Variants in ANO4 observed in about 807,000 individuals in gnomAD.
The protein encoded by ANO4 is anoctamin-4.
In ANO4, 69 loss-of-function variants were observed where a neutral mutation model predicts 141.9. The observed-to-expected ratio is 0.49, with a 90% CI of 0.40 to 0.59. ANO4 has a LOEUF of 0.59. Among genes scored for constraint, ANO4 ranks in the 20% least tolerant of loss-of-function variants. ANO4 has a pLI of 0.00. For missense variants in ANO4, 894 were observed against 1,162.2 expected (o/e 0.77, Z 3.36); for synonymous variants, 350 against 394.3 (o/e 0.89, Z 1.33).
intron 1 of ANO4, among the ~76,000 whole-genome samples, chr12:100,805,180 T>C (rs2034929374): frequency 6.6e-6 from 1 of 152,214 alleles, no homozygotes; most frequent in Non-Finnish European, 1.5e-5. Context: ...TAGCCAGTTC[T>C]CCCAGCACCA....
intron 6 of ANO4, among the ~76,000 whole-genome samples, chr12:100,973,577 T>A (rs1246930979): frequency 6.6e-6 from 1 of 152,180 alleles, no homozygotes; most frequent in Non-Finnish European, 1.5e-5. Flanking sequence ...AATTTTTAGG[T>A]TTATAGAAAA....
chr12:100,970,536 T>C (rs1320163362), intron 5 of ANO4, among the ~76,000 whole-genome samples: 2 of 152,174 alleles, frequency 1.3e-5, no homozygotes, highest in Non-Finnish European at 2.9e-5. Flanking sequence ...GAGGAGACTT[T>C]CCTTGACCCC....
At chr12:100,818,700 A>G (rs2035864916) in intron 1 of ANO4, among the ~76,000 whole-genome samples, 1 of 151,894 alleles carries the variant, frequency 6.6e-6, no homozygotes, top group East Asian at 1.9e-4. Flanking sequence ...ACCTTTCTGG[A>G]TTCAGCTTCC....
rs1227955058 is a variant in ANO4, at chr12:101,099,600, A to G, written c.2029A>G (p.Arg677Gly). Residue 677 changes from arginine (R) to glycine (G), a missense_variant, in exon 22 of 28, where the codon AGA (arginine) becomes GGA (glycine). Transcript: ENST00000392977. ...CAGGTTAATTCAGAATTGGTGGACT[A>G]GAAGAAAAGTACGACAAGAACATGG... ...GYPLIQNWWT[R>G]RKVRQEHGPE... 1.9e-6 allele frequency: 3 copies of G among 1,602,746 alleles called. No individual in the cohort carries two copies. The highest frequency in any genetic ancestry group is 2.5e-6 in the Non-Finnish European group (3 of 1,177,240).
At chr12:100,864,158 AATGTCGT>A (rs1408136071) in intron 1 of ANO4, among the ~76,000 whole-genome samples, 3 of 152,120 alleles carry the variant, frequency 2.0e-5, no homozygotes, top group Non-Finnish European at 2.9e-5. Flanking sequence ...TGACTCTAAC[AATGTCGT>A]ATGCCCGTAC....
chr12:100,857,954 A>G (rs1276845410), intron 1 of ANO4, among the ~76,000 whole-genome samples: 2 of 152,212 alleles, frequency 1.3e-5, no homozygotes, highest in African/African-American at 2.4e-5. Flanking sequence ...CAGAAAAGAA[A>G]ATGAAATGTG....
Position 100,806,523 on chromosome 12 carries a change from C to CTTTT in ANO4, c.-141+11496_-141+11497insTTTT, listed in dbSNP as rs1593379234. Among the ~76,000 whole-genome samples, 108 of 44,980 alleles carry CTTTT rather than the reference C, an allele frequency of 2.4e-3. 27 individuals are homozygous for CTTTT. Among genetic ancestry groups the CTTTT allele is most frequent in the East Asian group, 4.3e-3 (4 of 924 alleles). 29.5% of individuals were successfully genotyped at this position (44,980 alleles called of 152,430 possible). On this transcript the variant is annotated intron_variant, in intron 1 of 27. Transcript: ENST00000392977. Reference sequence around the variant, plus strand: ...TTTTTAGGAGGTTTTTTTTTTGTTTCGTTTTTTTTTTTTTTTTTTTTTTTT... The same window carrying CTTTT: ...TTTTTAGGAGGTTTTTTTTTTGTTTCTTTTGTTTTTTTTTTTTTTTTTTTTTTTT...
intron 1 of ANO4, among the ~76,000 whole-genome samples, chr12:100,896,706 G>T (rs2136010504): frequency 6.6e-6 from 1 of 152,310 alleles, no homozygotes; most frequent in East Asian, 1.9e-4. Context: ...AGGGGAGGTA[G>T]CAAGAAGCTT....
chr12:100,736,596 C>G (rs1466237868), intron 2 of ANO4, among the ~76,000 whole-genome samples: 3 of 152,112 alleles, frequency 2.0e-5, no homozygotes, highest in Non-Finnish European at 4.4e-5. Context: ...AATGTATCCC[C>G]CAAAAAGGTA....
At chr12:101,013,466 C>T (rs2046191223) in intron 8 of ANO4, among the ~76,000 whole-genome samples, 1 of 152,078 alleles carries the variant, frequency 6.6e-6, no homozygotes, top group African/African-American at 2.4e-5. Flanking sequence ...ACACATAGTC[C>T]TGTAGGGCAC....
chr12:100,969,240 A>G (rs1274020540), intron 5 of ANO4, among the ~76,000 whole-genome samples: 1 of 152,186 alleles, frequency 6.6e-6, no homozygotes, highest in African/African-American at 2.4e-5. Context: ...GCTAGGCCCA[A>G]AAGATCCAAC....
intron 3 of ANO4, among the ~76,000 whole-genome samples, chr12:100,749,478 C>A (rs1038272741): frequency 6.6e-6 from 1 of 152,170 alleles, no homozygotes; most frequent in African/African-American, 2.4e-5. Flanking sequence ...CTATATTGTT[C>A]TTTTCAGAAT....
Position 100,901,968 on chromosome 12 carries a change from A to G in ANO4, c.55+128A>G, listed in dbSNP as rs528901090. ...TTGCTTTTGTTAGGAGTCTTGTTCT[A>G]TTTCCCCTTCTGCTCACCTCAGTCA... On this transcript the variant is annotated intron_variant, in intron 2 of 27. Transcript: ENST00000392977. 172 of 890,172 alleles carry G rather than the reference A, an allele frequency of 1.9e-4. No homozygotes were observed. In the African/African-American group the frequency reaches 2.6e-3, roughly 14 times the overall value. The allele number at this position is 890,172 out of a possible 1,614,324, so 55.1% of individuals were successfully genotyped here.
chr12:101,031,358 A>G (rs2046966065), intron 9 of ANO4, among the ~76,000 whole-genome samples: 1 of 152,212 alleles, frequency 6.6e-6, no homozygotes, highest in Non-Finnish European at 1.5e-5. Context: ...CAATAGATGC[A>G]GAAAAGGCCT....
intron 3 of ANO4, 128 bp from the exon 4 acceptor site, chr12:100,939,187 C>A: frequency 1.1e-6 from 1 of 930,024 alleles, no homozygotes; most frequent in Non-Finnish European, 1.6e-6. Context: ...AAATAATATG[C>A]TTGTCACTCA....
At chr12:100,737,184 C>T (rs1320248867) in intron 2 of ANO4, among the ~76,000 whole-genome samples, 2 of 152,150 alleles carry the variant, frequency 1.3e-5, no homozygotes, top group East Asian at 1.9e-4. Context: ...GAGGCAGGCC[C>T]GTCTTTAGGA....
At chr12:100,880,223 C>T (rs187742598) in intron 1 of ANO4, among the ~76,000 whole-genome samples, 1 of 152,244 alleles carries the variant, frequency 6.6e-6, no homozygotes, top group East Asian at 1.9e-4. Context: ...ACAGGAAATA[C>T]TGACTGGTAT....
At chr12:100,741,917 C>G (rs1327049562) in intron 3 of ANO4, among the ~76,000 whole-genome samples, 1 of 152,026 alleles carries the variant, frequency 6.6e-6, no homozygotes, top group Non-Finnish European at 1.5e-5. Flanking sequence ...ATGGCAGCTG[C>G]CAGATTAACA....
intron 17 of ANO4, among the ~76,000 whole-genome samples, chr12:101,092,965 G>T (rs186082865): frequency 4.6e-5 from 7 of 152,052 alleles, no homozygotes; most frequent in African/African-American, 1.7e-4. Context: ...TAATGCCTTC[G>T]TAATACATTG....
Sources: gnomAD v4.1 joint callset for allele counts (sites outside exome capture counted in the v4.1 genomes callset) on GRCh38, gnomAD v4.1.1 for gene constraint, MANE v1.5 for transcripts, NCBI Gene and HGNC (gene_info 2026-07-23, HGNC 2026-07-21) for gene names.